The following ASAH2 variants were observed in gnomAD, a reference collection of about 807,000 sequenced individuals.
The protein encoded by ASAH2 is neutral ceramidase.
A neutral mutation model predicts 82.9 loss-of-function variants in ASAH2; 58 were observed. That is an observed-to-expected ratio of 0.70 (90% confidence interval 0.57 to 0.87). The LOEUF is 0.87. Among genes scored for constraint, ASAH2 ranks in the 40% least tolerant of loss-of-function variants. The pLI is 0.00. For synonymous variants in ASAH2, 276 were observed against 289.7 expected (o/e 0.95, Z 0.48); for missense variants, 779 against 834.0 (o/e 0.93, Z 0.81).
chr10:50,215,249 G>A (rs988131199), intron 8 of ASAH2, among the ~76,000 whole-genome samples: 21 of 152,042 alleles, frequency 1.4e-4, no homozygotes, highest in Admixed American at 1.3e-3. Context: ...TTTGTATAAG[G>A]TGTAAGGAAG....
chr10:50,202,704 T>C (rs1845184702), intron 16 of ASAH2, 125 bp downstream of exon 16: 3 of 755,788 alleles, frequency 4.0e-6, no homozygotes, highest in Non-Finnish European at 7.2e-6. Context: ...TCTTACCTGT[T>C]ATACCTGAAA....
intron 1 of ASAH2, among the ~76,000 whole-genome samples, chr10:50,248,870 C>A (rs768563344): frequency 3.3e-5 from 5 of 152,204 alleles, no homozygotes; most frequent in Non-Finnish European, 5.9e-5. Context: ...CACAACACTC[C>A]TCCTGGCAGC....
intron 7 of ASAH2, among the ~76,000 whole-genome samples, chr10:50,221,763 T>A (rs1183634996): frequency 6.6e-6 from 1 of 152,104 alleles, no homozygotes; most frequent in African/African-American, 2.4e-5. Context: ...TATGCTCTTA[T>A]CCACTGTGGA....
At chr10:50,231,677 A>G (rs1846025539) in intron 7 of ASAH2, among the ~76,000 whole-genome samples, 1 of 152,146 alleles carries the variant, frequency 6.6e-6, no homozygotes, top group Non-Finnish European at 1.5e-5. Flanking sequence ...ACTAATCAAG[A>G]GATAAGTTGA....
At chr10:50,243,855 G>T (rs1846373957) in intron 3 of ASAH2, among the ~76,000 whole-genome samples, 1 of 152,168 alleles carries the variant, frequency 6.6e-6, no homozygotes, top group Non-Finnish European at 1.5e-5. Context: ...GAAGAAAGTG[G>T]TATATTTATA....
At chr10:50,245,971 C>G (rs1397771877) in intron 2 of ASAH2, among the ~76,000 whole-genome samples, 1 of 152,114 alleles carries the variant, frequency 6.6e-6, no homozygotes, top group East Asian at 1.9e-4. Context: ...TCCTCTTTGA[C>G]CTTCTGAAGA....
chr10:50,236,675 T>C (rs923780997), intron 4 of ASAH2, among the ~76,000 whole-genome samples: 2,991 of 152,276 alleles, frequency 0.02, 117 homozygotes, highest in African/African-American at 0.068. Flanking sequence ...GTATGTTATA[T>C]ATATTATGTA....
intron 7 of ASAH2, among the ~76,000 whole-genome samples, chr10:50,231,757 TC>T (rs1308351265): frequency 2.0e-5 from 3 of 152,182 alleles, no homozygotes; most frequent in Non-Finnish European, 4.4e-5. Context: ...TTTAGTGACT[TC>T]ACTTTTAACA....
chr10:50,243,131 C>A, intron 4 of ASAH2, 71 bp downstream of exon 4: 1 of 1,540,512 alleles, frequency 6.5e-7, no homozygotes, highest in Non-Finnish European at 8.9e-7. Context: ...GGAATTATTT[C>A]CTGTCACATT....
chr10:50,220,787 TA>T (rs1347758678), intron 7 of ASAH2, among the ~76,000 whole-genome samples: 1 of 132,598 alleles, frequency 7.5e-6, no homozygotes, highest in Non-Finnish European at 1.6e-5. Context: ...GTTAAGTTTT[TA>T]AAAAAGAAGT....
At chr10:50,234,898 A>G (rs1846115796) in intron 5 of ASAH2, among the ~76,000 whole-genome samples, 1 of 152,124 alleles carries the variant, frequency 6.6e-6, no homozygotes, top group Admixed American at 6.6e-5. Context: ...CTACAACACT[A>G]ATACAAGTTT....
At chr10:50,226,559 A>G (rs889747760) in intron 7 of ASAH2, among the ~76,000 whole-genome samples, 214 of 152,262 alleles carry the variant, frequency 1.4e-3, no homozygotes, top group South Asian at 0.011. Context: ...ATGATGTGTC[A>G]ATGTAGGTTC....
At chr10:50,213,586 C>G (rs1845518733) in intron 9 of ASAH2, among the ~76,000 whole-genome samples, 2 of 152,050 alleles carry the variant, frequency 1.3e-5, no homozygotes, top group Non-Finnish European at 2.9e-5. Context: ...CAAAAAATTA[C>G]TAAAAGAAAA....
intron 14 of ASAH2, among the ~76,000 whole-genome samples, chr10:50,204,384 T>C (rs1845239125): frequency 1.3e-5 from 2 of 151,820 alleles, no homozygotes; most frequent in South Asian, 4.1e-4. Flanking sequence ...CAAAATTTGC[T>C]GAAGAATTTA....
intron 3 of ASAH2, among the ~76,000 whole-genome samples, chr10:50,244,248 G>T (rs771404354): frequency 2.0e-5 from 3 of 152,222 alleles, no homozygotes; most frequent in Middle Eastern, 3.4e-3. Flanking sequence ...CAGAACAATT[G>T]TTCTCCCCAA....
chr10:50,194,938 T>G (rs1250370034), intron 18 of ASAH2, among the ~76,000 whole-genome samples: 5 of 149,294 alleles, frequency 3.3e-5, no homozygotes, highest in Admixed American at 2.0e-4. Context: ...ATAAAACAAC[T>G]GAAAGAAAAC....
At chr10:50,226,835 A>G (rs1339109170) in intron 7 of ASAH2, among the ~76,000 whole-genome samples, 1 of 152,180 alleles carries the variant, frequency 6.6e-6, no homozygotes, top group Non-Finnish European at 1.5e-5. Flanking sequence ...AAGTTCAAGA[A>G]CTAGGAAAAT....
intron 7 of ASAH2, among the ~76,000 whole-genome samples, chr10:50,219,480 G>A (rs1035256305): frequency 6.6e-6 from 1 of 152,140 alleles, no homozygotes; most frequent in Non-Finnish European, 1.5e-5. Flanking sequence ...CCTCACACAG[G>A]TGAAAAGGAT....
At chr10:50,200,260 T>TC (rs1845104529) in intron 16 of ASAH2, among the ~76,000 whole-genome samples, 1 of 150,822 alleles carries the variant, frequency 6.6e-6, no homozygotes. Flanking sequence ...CTACTGCAGT[T>TC]CCCCCAAAGC....
Sources: gnomAD v4.1 joint callset for allele counts (sites outside exome capture counted in the v4.1 genomes callset) on GRCh38, gnomAD v4.1.1 for gene constraint, MANE v1.5 for transcripts, NCBI Gene and HGNC (gene_info 2026-07-23, HGNC 2026-07-21) for gene names.